NLGN1: variants seen among roughly 807,000 people sequenced by gnomAD.
NLGN1 encodes the protein neuroligin 1, also known as neuroligin-1.
NLGN1 carries 12 observed loss-of-function variants against 65.5 expected under a neutral mutation model. The ratio of observed to expected loss-of-function variants is 0.18; its 90% CI spans 0.12 to 0.30. The LOEUF (loss-of-function observed/expected upper bound fraction) is 0.30, where lower values mean the gene tolerates loss of function less well. Among genes scored for constraint, NLGN1 ranks in the 10% least tolerant of loss-of-function variants. The pLI is 1.00. For synonymous variants in NLGN1, 350 were observed against 359.5 expected (o/e 0.97, Z 0.30); for missense variants, 750 against 1,007.1 (o/e 0.74, Z 3.46).
chr3:173,867,533 A>G (rs1242244078), intron 4 of NLGN1, among the ~76,000 whole-genome samples: 7 of 152,164 alleles, frequency 4.6e-5, no homozygotes, highest in Admixed American at 4.6e-4. Context: ...GTTTTCCATA[A>G]GTCAAATAAC....
intron 4 of NLGN1, among the ~76,000 whole-genome samples, chr3:174,147,346 G>A (rs544543960): frequency 1.3e-5 from 2 of 149,998 alleles, no homozygotes; most frequent in East Asian, 4.0e-4. Flanking sequence ...ACGCGGTGTA[G>A]GTCCATTGTT....
At chr3:174,008,220 A>G (rs1724837684) in intron 4 of NLGN1, among the ~76,000 whole-genome samples, 3 of 152,092 alleles carry the variant, frequency 2.0e-5, no homozygotes, top group Non-Finnish European at 4.4e-5. Context: ...ATTAATAGAA[A>G]GATCTCACAA....
intron 3 of NLGN1, among the ~76,000 whole-genome samples, chr3:173,685,201 G>T (rs1205472041): frequency 1.3e-5 from 2 of 152,086 alleles, no homozygotes; most frequent in Non-Finnish European, 2.9e-5. Context: ...ATTTAAATAA[G>T]TTGCTCCCAA....
At chr3:174,071,557 T>C (rs775654458) in intron 4 of NLGN1, among the ~76,000 whole-genome samples, 2 of 151,812 alleles carry the variant, frequency 1.3e-5, no homozygotes, top group Non-Finnish European at 2.9e-5. Flanking sequence ...GAAAAAACAA[T>C]TAGCTGGGCG....
chr3:173,521,492 G>A (rs1016246745), intron 2 of NLGN1, among the ~76,000 whole-genome samples: 1 of 152,218 alleles, frequency 6.6e-6, no homozygotes, highest in Non-Finnish European at 1.5e-5. Context: ...TTCAAAAAGA[G>A]AGTAGTAAAG....
intron 4 of NLGN1, among the ~76,000 whole-genome samples, chr3:174,043,089 G>A (rs1732719480): frequency 6.6e-6 from 1 of 152,166 alleles, no homozygotes; most frequent in African/African-American, 2.4e-5. Context: ...AAAACCATCA[G>A]ATCTTGTGAG....
At chr3:173,654,684 T>G (rs1759712589) in intron 3 of NLGN1, among the ~76,000 whole-genome samples, 2 of 152,174 alleles carry the variant, frequency 1.3e-5, no homozygotes, top group Non-Finnish European at 2.9e-5. Flanking sequence ...AATAATATGT[T>G]AGGATTGAAG....
At chr3:174,077,328 C>T (rs966993369) in intron 4 of NLGN1, among the ~76,000 whole-genome samples, 1 of 152,078 alleles carries the variant, frequency 6.6e-6, no homozygotes, top group Non-Finnish European at 1.5e-5. Flanking sequence ...ACTAATTTTA[C>T]AGGAGTTTAA....
chr3:173,437,996 A>C (rs1332360101), intron 2 of NLGN1, among the ~76,000 whole-genome samples: 1 of 151,304 alleles, frequency 6.6e-6, no homozygotes, highest in Non-Finnish European at 1.5e-5. Context: ...CCAAGTCCCC[A>C]ATGATTATAA....
chr3:174,024,960 A>G (rs1728568270), intron 4 of NLGN1, among the ~76,000 whole-genome samples: 1 of 152,172 alleles, frequency 6.6e-6, no homozygotes, highest in Non-Finnish European at 1.5e-5. Flanking sequence ...GTTCACCTCT[A>G]AATCACACTC....
exon 3 of NLGN1, chr3:173,605,077 T>C: frequency 6.2e-7 from 1 of 1,608,000 alleles, no homozygotes; most frequent in South Asian, 1.1e-5. Flanking sequence ...AATATATATG[T>C]CCCGACTGAG....
chr3:173,406,382 A>C (rs1239306434), intron 1 of NLGN1, among the ~76,000 whole-genome samples: 1 of 151,468 alleles, frequency 6.6e-6, no homozygotes, highest in Non-Finnish European at 1.5e-5. Flanking sequence ...GGTAAAAATG[A>C]AGTTTCCCTT....
At chr3:174,201,429 G>A (rs1734488217) in intron 4 of NLGN1, among the ~76,000 whole-genome samples, 1 of 150,276 alleles carries the variant, frequency 6.7e-6, no homozygotes, top group African/African-American at 2.5e-5. Context: ...ATTGGGCCCT[G>A]TTTGCTCTTG....
At chr3:173,654,726 T>C (rs1420912792) in intron 3 of NLGN1, among the ~76,000 whole-genome samples, 1 of 152,196 alleles carries the variant, frequency 6.6e-6, no homozygotes, top group Non-Finnish European at 1.5e-5. Context: ...CATTTTCCTT[T>C]TTTTTCTAAA....
chr3:173,751,166 A>C (rs1776251247), intron 3 of NLGN1, among the ~76,000 whole-genome samples: 1 of 152,080 alleles, frequency 6.6e-6, no homozygotes, highest in Admixed American at 6.6e-5. Flanking sequence ...GAGTAGGCGC[A>C]CATCTATAAT....
chr3:173,672,258 T>C (rs982514665), intron 3 of NLGN1, among the ~76,000 whole-genome samples: 2 of 152,220 alleles, frequency 1.3e-5, no homozygotes, highest in Non-Finnish European at 2.9e-5. Flanking sequence ...TTCAAGGTTT[T>C]TGCAGAGTAA....
At chr3:174,193,879 G>T (rs1037138806) in intron 4 of NLGN1, among the ~76,000 whole-genome samples, 1 of 151,776 alleles carries the variant, frequency 6.6e-6, no homozygotes, top group Non-Finnish European at 1.5e-5. Context: ...TCTGACATTT[G>T]TAAAACATTT....
chr3:174,277,213 C>A (rs1425785310), intron 5 of NLGN1, among the ~76,000 whole-genome samples: 5 of 151,920 alleles, frequency 3.3e-5, no homozygotes, highest in Non-Finnish European at 7.4e-5. Flanking sequence ...TGAAAAAAAT[C>A]TCTTGAAATC....
intron 2 of NLGN1, among the ~76,000 whole-genome samples, chr3:173,555,760 G>C (rs914096120): frequency 2.6e-5 from 4 of 152,130 alleles, no homozygotes; most frequent in African/African-American, 7.2e-5. Context: ...GGGATTACAG[G>C]CGTGAGCAAA....
Sources: gnomAD v4.1 joint callset for allele counts (sites outside exome capture counted in the v4.1 genomes callset) on GRCh38, gnomAD v4.1.1 for gene constraint, MANE v1.5 for transcripts, NCBI Gene and HGNC (gene_info 2026-07-23, HGNC 2026-07-21) for gene names.